NRXN1: variants seen among roughly 807,000 people sequenced by gnomAD.
The protein encoded by NRXN1 is neurexin 1, also known as neurexin-1.
A neutral mutation model predicts 150.9 loss-of-function variants in NRXN1; 39 were observed. The observed-to-expected ratio is 0.26, with a 90% CI of 0.20 to 0.34. The LOEUF is 0.34. Ranked by LOEUF, NRXN1 falls within the 10% of genes least tolerant of loss-of-function variation. The pLI is 1.00. For synonymous variants in NRXN1, 924 were observed against 757.0 expected, an observed-to-expected ratio of 1.22 and a Z score of -3.62; for missense variants, 1,815 against 1,949.9, an observed-to-expected ratio of 0.93 and a Z score of 1.30.
intron 18 of NRXN1, among the ~76,000 whole-genome samples, chr2:50,196,501 C>G (rs749095701): frequency 1.6e-4 from 25 of 152,084 alleles, no homozygotes; most frequent in Non-Finnish European, 2.9e-4. Context: ...TGTTTTCTTT[C>G]TACCATGCAC....
intron 5 of NRXN1, among the ~76,000 whole-genome samples, chr2:50,747,519 A>G (rs1700153765): frequency 6.6e-6 from 1 of 151,508 alleles, no homozygotes; most frequent in Non-Finnish European, 1.5e-5. Flanking sequence ...TTTTCTTTTA[A>G]TTCTATTTCC....
chr2:51,026,459 G>A, intron 2 of NRXN1: 1 of 1,598,464 alleles, frequency 6.3e-7, no homozygotes, highest in Non-Finnish European at 8.5e-7. Flanking sequence ...ACTGAAGACC[G>A]AATTTTATTT....
At chr2:50,945,937 GTATTATTATTAT>G (rs538118636) in intron 2 of NRXN1, among the ~76,000 whole-genome samples, 21 of 145,852 alleles carry the variant, frequency 1.4e-4, no homozygotes, top group Non-Finnish European at 2.9e-4. Context: ...TACTTGTAAA[GTATTATTATTAT>G]TATTATTATT....
Position 50,623,295 on chromosome 2 carries a change from T to C in NRXN1, c.1134+19A>G. On this transcript the variant is annotated intron_variant, in intron 6 of 22. Coordinates refer to ENST00000401669, the MANE Select transcript of NRXN1 (RefSeq NM_001330078.2). ...GCGAGAAACAAAGCCAGTTACTCTC[T>C]TATCCACTGCGCTGTTACCTGACGC... The C allele has an allele frequency of 6.2e-7, 1 of 1,604,280 alleles. No individual in the cohort carries two copies. Among genetic ancestry groups the C allele is most frequent in the Non-Finnish European group, 8.5e-7 (1 of 1,172,194 alleles).
At chr2:50,526,621 G>C (rs544718924) in intron 12 of NRXN1, 2 of 152,106 alleles carry the variant, frequency 1.3e-5, no homozygotes, top group East Asian at 1.9e-4. Flanking sequence ...TCAAAGGTGA[G>C]TCTTTTTTAT....
At chr2:50,264,514 AG>A (rs1353708886) in intron 17 of NRXN1, among the ~76,000 whole-genome samples, 1 of 152,118 alleles carries the variant, frequency 6.6e-6, no homozygotes, top group Non-Finnish European at 1.5e-5. Flanking sequence ...TCTCATCAGC[AG>A]AAAGAGGCAA....
chr2:50,408,532 GC>G (rs1427619037), intron 17 of NRXN1, among the ~76,000 whole-genome samples: 14 of 152,148 alleles, frequency 9.2e-5, no homozygotes, highest in Admixed American at 8.5e-4. Context: ...CTTACTTGGT[GC>G]TTTTAAAATA....
intron 17 of NRXN1, among the ~76,000 whole-genome samples, chr2:50,445,278 C>A (rs1165759950): frequency 6.6e-6 from 1 of 152,094 alleles, no homozygotes; most frequent in Non-Finnish European, 1.5e-5. Flanking sequence ...AATCCTGGAA[C>A]AGTTGTAAGG....
chr2:50,976,270 T>C (rs1695823612), intron 2 of NRXN1, among the ~76,000 whole-genome samples: 1 of 151,854 alleles, frequency 6.6e-6, no homozygotes, highest in East Asian at 1.9e-4. Context: ...GTGGGGATTC[T>C]TTCTTGTATT....
chr2:50,944,478 A>G (rs552507609), intron 2 of NRXN1, among the ~76,000 whole-genome samples: 2 of 152,314 alleles, frequency 1.3e-5, no homozygotes, highest in Non-Finnish European at 2.9e-5. Context: ...TATGTAACAC[A>G]TAGCTAATGA....
intron 21 of NRXN1, 149 bp downstream of exon 21, chr2:50,053,122 G>T: frequency 1.4e-6 from 1 of 736,650 alleles, no homozygotes; most frequent in African/African-American, 1.8e-5. Context: ...ATATTCAAAC[G>T]GAATGCATTA....
At chr2:50,678,164 C>A (rs1689813890) in intron 5 of NRXN1, among the ~76,000 whole-genome samples, 1 of 152,094 alleles carries the variant, frequency 6.6e-6, no homozygotes, top group Non-Finnish European at 1.5e-5. Flanking sequence ...ATCAAGTCAC[C>A]ATTCTAAACT....
At chr2:50,170,209 G>A (rs2059944335) in intron 18 of NRXN1, among the ~76,000 whole-genome samples, 3 of 151,776 alleles carry the variant, frequency 2.0e-5, no homozygotes, top group South Asian at 4.2e-4. Flanking sequence ...CCAAAAATTT[G>A]AAGTTTGAAA....
At chr2:50,636,884 C>A (rs573292398) in intron 5 of NRXN1, among the ~76,000 whole-genome samples, 2 of 151,978 alleles carry the variant, frequency 1.3e-5, no homozygotes, top group African/African-American at 4.8e-5. Context: ...TGCAAATATA[C>A]GCATAGAAAA....
chr2:50,493,713 A>C (rs183533211), intron 15 of NRXN1, among the ~76,000 whole-genome samples: 1 of 152,250 alleles, frequency 6.6e-6, no homozygotes, highest in East Asian at 1.9e-4. Context: ...TCACATACCC[A>C]ATTTGTTAGC....
At chr2:50,212,468 T>G (rs1447912358) in intron 18 of NRXN1, among the ~76,000 whole-genome samples, 1 of 151,180 alleles carries the variant, frequency 6.6e-6, no homozygotes, top group Non-Finnish European at 1.5e-5. Flanking sequence ...TGAGTCTGGT[T>G]TTTTTTTTCT....
At chr2:50,826,280 G>A (rs1574613591) in intron 5 of NRXN1, among the ~76,000 whole-genome samples, 1 of 152,242 alleles carries the variant, frequency 6.6e-6, no homozygotes. Context: ...TCTGGGGACA[G>A]TTTTACAAAT....
intron 21 of NRXN1, chr2:49,969,595 G>C (rs1677590448): frequency 6.6e-6 from 1 of 151,840 alleles, no homozygotes; most frequent in Admixed American, 6.6e-5. Flanking sequence ...TGCATATAAA[G>C]TATTTTTTTC....
At position 50,525,990 on chromosome 2, in the gene NRXN1, G is replaced by C. The variant is rs146486545; in HGVS notation, c.2374+2635C>G. On this transcript the variant is annotated intron_variant, in intron 12 of 22. Coordinates refer to ENST00000401669, the MANE Select transcript of NRXN1 (RefSeq NM_001330078.2). ...GAAAAAGAAACATTCATTCAGGTTTGAATACATGTAGCTGGACCCTCTACC... is the reference window on the plus strand; with the variant it reads ...GAAAAAGAAACATTCATTCAGGTTTCAATACATGTAGCTGGACCCTCTACC... Among the ~76,000 whole-genome samples the C allele has an allele frequency of 3.9e-5, 6 of 152,264 alleles. No homozygotes were observed. The East Asian group carries it at 1.2e-3, about 29-fold the overall frequency.
Sources: gnomAD v4.1 joint callset for allele counts (sites outside exome capture counted in the v4.1 genomes callset) on GRCh38, gnomAD v4.1.1 for gene constraint, MANE v1.5 for transcripts, NCBI Gene and HGNC (gene_info 2026-07-23, HGNC 2026-07-21) for gene names.